The following SPNS3 variants were observed in gnomAD, a reference collection of about 807,000 sequenced individuals.
SPNS3 encodes the protein protein spinster homolog 3.
SPNS3 carries 51 observed loss-of-function variants against 54.4 expected under a neutral mutation model. The ratio of observed to expected loss-of-function variants is 0.94; its 90% CI spans 0.75 to 1.18. The LOEUF is 1.18. Among genes scored for constraint, SPNS3 ranks in the 50% most tolerant of loss-of-function variants. SPNS3 has a pLI of 0.00. For synonymous variants in SPNS3, 309 were observed against 294.7 expected (o/e 1.05, Z -0.50); for missense variants, 669 against 677.4 (o/e 0.99, Z 0.14).
Position 4,452,868 on chromosome 17 carries a change from G to A in SPNS3, c.924-148G>A. 5.7e-6 allele frequency: 4 copies of A among 699,850 alleles called. 1 individual carries two copies. In the South Asian group the frequency reaches 7.9e-5, roughly 14 times the overall value. 43.4% of individuals were successfully genotyped at this position (699,850 alleles called of 1,614,324 possible). On this transcript the variant is annotated intron_variant, in intron 7 of 11. Coordinates refer to ENST00000355530, the MANE Select transcript of SPNS3 (RefSeq NM_182538.5). ...GTGAGGAGGGTGGGTAAGGTTCTGG[G>A]TCAGGTCAGGGGCCCACAGCCATAT...
chr17:4,460,033 T>C (rs1173576985), intron 8 of SPNS3, among the ~76,000 whole-genome samples: 1 of 152,020 alleles, frequency 6.6e-6, no homozygotes, highest in Non-Finnish European at 1.5e-5. Context: ...AAGTAGTGAA[T>C]TATGTGGATA....
chr17:4,461,013 A>G (rs1406177550), intron 8 of SPNS3, among the ~76,000 whole-genome samples: 5 of 152,156 alleles, frequency 3.3e-5, no homozygotes, highest in African/African-American at 9.7e-5. Flanking sequence ...TTTGATTGCT[A>G]ACTCAATATT....
chr17:4,441,787 G>C (rs1000163280), intron 2 of SPNS3, among the ~76,000 whole-genome samples: 1 of 142,666 alleles, frequency 7.0e-6, no homozygotes, highest in Non-Finnish European at 1.6e-5. Context: ...AATAGAGATG[G>C]TGGGGGTGTG....
chr17:4,486,051 G>A lies in SPNS3; in HGVS notation c.1180-177G>A, dbSNP rs1972303588. ...TGGGGCACTGGGGAAGCTTCAGATG[G>A]GCTTGATGTCTTGATGTTCTGGGGT... On this transcript the variant is annotated intron_variant, in intron 9 of 11. Transcript: ENST00000355530. The surrounding 1 kb of genome is among the most constrained non-coding windows in gnomAD (Gnocchi z 5.5). 3.8e-6 allele frequency: 2 copies of A among 531,806 alleles called. No homozygotes were observed. Among genetic ancestry groups the A allele is most frequent in the Non-Finnish European group, 3.2e-6 (1 of 312,066 alleles). 32.9% of individuals were successfully genotyped at this position (531,806 alleles called of 1,614,324 possible).
At chr17:4,461,988 G>A (rs1032833263) in intron 8 of SPNS3, among the ~76,000 whole-genome samples, 8 of 152,110 alleles carry the variant, frequency 5.3e-5, no homozygotes, top group Non-Finnish European at 1.0e-4. Context: ...GGAGCAAAAG[G>A]AGTCAGCATT....
intron 8 of SPNS3, among the ~76,000 whole-genome samples, chr17:4,477,970 C>CTTTTTTGTTTTT (rs1972051761): frequency 2.0e-5 from 2 of 97,620 alleles, no homozygotes; most frequent in African/African-American, 9.1e-5. Flanking sequence ...TTCACTTTTC[C>CTTTTTTGTTTTT]TTTTTTTTTT....
Position 4,487,912 on chromosome 17 carries a change from G to T in SPNS3, c.*18G>T. The T allele has an allele frequency of 1.2e-6, 2 of 1,607,980 alleles. No individual in the cohort carries two copies. The highest frequency in any genetic ancestry group is 1.3e-5 in the African/African-American group (1 of 75,016). ...AGCCCTGAGGTCCCTGCCTACACTC[G>T]TCCTGCCTGCAAGCCTCCCGTTGGT... On this transcript the variant is annotated 3_prime_UTR_variant, in exon 12 of 12. Transcript: ENST00000355530.
chr17:4,468,721 T>TTTCCTTTC (rs1555531861), intron 8 of SPNS3, among the ~76,000 whole-genome samples: 1 of 121,372 alleles, frequency 8.2e-6, no homozygotes, highest in Non-Finnish European at 1.7e-5. Flanking sequence ...TCTCTCTTTC[T>TTTCCTTTC]TTTCTTTCTT....
At chr17:4,440,788 AGAAAC>A (rs1436304070) in intron 2 of SPNS3, among the ~76,000 whole-genome samples, 1 of 152,174 alleles carries the variant, frequency 6.6e-6, no homozygotes, top group East Asian at 1.9e-4. Flanking sequence ...GAGCATCAAG[AGAAAC>A]GTGCTGGGGA....
chr17:4,486,479 G>T lies in SPNS3; in HGVS notation c.1346G>T (p.Ser449Ile). 2 of 1,613,602 alleles carry T rather than the reference G, an allele frequency of 1.2e-6. No individual in the cohort carries two copies. The highest frequency in any genetic ancestry group is 1.7e-4 in the Middle Eastern group (1 of 6,056). ...CAGCGCTTCCGCAGCCTGCAGCAGA[G>T]CTTCCTGTGCTGCGCCTTTGTCATC... The part of the protein sequence containing the change: ...YLQRFRSLQQ[S>I]FLCCAFVIAL... The change falls in exon 11 of 12, where the codon AGC (serine) becomes ATC (isoleucine). Residue 449 changes from serine to isoleucine, a missense_variant. By Grantham distance (142) the Ser-to-Ile change is moderately radical. Transcript: ENST00000355530. This position sits in a 1 kb window ranked among gnomAD's most constrained non-coding sequence, Gnocchi z 5.5.
rs576385388 is a variant in SPNS3, at chr17:4,483,364, C to T, written c.1180-2864C>T. 6.6e-6 allele frequency: 1 copy of T among 152,260 alleles called. No homozygotes were observed. Among genetic ancestry groups the T allele is most frequent in the Non-Finnish European group, 1.5e-5 (1 of 68,092 alleles). The allele number at this position is 152,260 out of a possible 1,614,324, so 9.4% of individuals were successfully genotyped here. On this transcript the variant is annotated intron_variant, in intron 9 of 11. Coordinates refer to ENST00000355530, the MANE Select transcript of SPNS3 (RefSeq NM_182538.5). This position sits in a 1 kb window ranked among gnomAD's most constrained non-coding sequence, Gnocchi z 4.2. ...AAGCCTCTTATTTCTGAAATTACCC[C>T]CTGGGCTCTCCAGCTTCTGTGGGCC...
chr17:4,471,968 C>T (rs982700328), intron 8 of SPNS3, among the ~76,000 whole-genome samples: 1 of 152,126 alleles, frequency 6.6e-6, no homozygotes, highest in Non-Finnish European at 1.5e-5. Flanking sequence ...AAGCGATCCT[C>T]CTGCCTTAGC....
intron 8 of SPNS3, among the ~76,000 whole-genome samples, chr17:4,462,030 G>A (rs979259000): frequency 3.3e-5 from 5 of 151,618 alleles, no homozygotes; most frequent in African/African-American, 1.2e-4. Flanking sequence ...CTGAGGAATT[G>A]GCTTCTGCTG....
chr17:4,485,609 T>A (rs1023833182), intron 9 of SPNS3, among the ~76,000 whole-genome samples: 1 of 152,304 alleles, frequency 6.6e-6, no homozygotes, highest in Admixed American at 6.5e-5. Flanking sequence ...GTTGCCAGGC[T>A]GGTCTTGACC....
chr17:4,443,765 A>G (rs1279970029), intron 2 of SPNS3, among the ~76,000 whole-genome samples: 1 of 152,210 alleles, frequency 6.6e-6, no homozygotes, highest in Non-Finnish European at 1.5e-5. Context: ...GACTATGGGA[A>G]CTTATTTCCA....
intron 8 of SPNS3, among the ~76,000 whole-genome samples, chr17:4,455,947 C>T (rs1192598895): frequency 6.6e-6 from 1 of 152,094 alleles, no homozygotes; most frequent in Non-Finnish European, 1.5e-5. Flanking sequence ...CCTGAAGCCC[C>T]TCACTCAGCT....
At chr17:4,484,076 G>GGCTAGAAACACTCT (rs1972245240) in intron 9 of SPNS3, among the ~76,000 whole-genome samples, 1 of 152,032 alleles carries the variant, frequency 6.6e-6, no homozygotes, top group Admixed American at 6.6e-5. Context: ...TAGAAACACC[G>GGCTAGAAACACTCT]GCTCCTCCTT....
intron 9 of SPNS3, among the ~76,000 whole-genome samples, chr17:4,480,727 T>C (rs925525954): frequency 2.1e-4 from 32 of 152,142 alleles, no homozygotes; most frequent in African/African-American, 7.0e-4. Flanking sequence ...TTTTACCCAT[T>C]TGGGGAGCTG....
intron 7 of SPNS3, among the ~76,000 whole-genome samples, chr17:4,449,889 C>G (rs938675088): frequency 7.2e-5 from 11 of 152,256 alleles, no homozygotes; most frequent in African/African-American, 2.2e-4. Flanking sequence ...AGGGCACGCC[C>G]TCTCCCGCTT....
Sources: gnomAD v4.1 joint callset for allele counts (sites outside exome capture counted in the v4.1 genomes callset) on GRCh38, gnomAD v4.1.1 for gene constraint, Gnocchi (gnomAD v3.1) non-coding constraint, MANE v1.5 for transcripts, NCBI Gene and HGNC (gene_info 2026-07-23, HGNC 2026-07-21) for gene names.